Variants in HERC3 observed in about 807,000 individuals in gnomAD.
HERC3 encodes probable E3 ubiquitin-protein ligase HERC3.
A neutral mutation model predicts 129.9 loss-of-function variants in HERC3; 58 were observed. The observed-to-expected ratio is 0.45, with a 90% CI of 0.36 to 0.56. The LOEUF (loss-of-function observed/expected upper bound fraction) is 0.56. Ranked by LOEUF, HERC3 falls within the 20% of genes least tolerant of loss-of-function variation. The pLI, the probability that HERC3 is intolerant of heterozygous loss-of-function variation, is 0.00. For synonymous variants in HERC3, 430 were observed against 451.0 expected (o/e 0.95, Z 0.59); for missense variants, 835 against 1,244.2 (o/e 0.67, Z 4.95).
At chr4:88,576,903 T>G in the HERC3 span, among the ~76,000 whole-genome samples, 1 of 152,182 alleles carries the variant, frequency 6.6e-6, no homozygotes, top group African/African-American at 2.4e-5. Flanking sequence ...ACTTCCTCAG[T>G]TTTTTTCTGA....
chr4:88,692,428 T>G (rs3756051), intron 23 of HERC3, among the ~76,000 whole-genome samples: 1 of 151,736 alleles, frequency 6.6e-6, no homozygotes, highest in Non-Finnish European at 1.5e-5. Context: ...TTAAGGTAAG[T>G]GCTTCAAAGG....
At chr4:88,590,415 C>T (rs976036805), upstream of HERC3, among the ~76,000 whole-genome samples, 3 of 152,074 alleles carry the variant, frequency 2.0e-5, no homozygotes, top group Admixed American at 6.5e-5. Flanking sequence ...AAAAATTAGC[C>T]GGGCGTTGTG....
Position 88,706,671 on chromosome 4 carries a change from T to A in HERC3, c.2945-81T>A, listed in dbSNP as rs1279562265. 6 of 1,112,530 alleles carry A rather than the reference T, an allele frequency of 5.4e-6. No homozygotes were observed. In the African/African-American group the frequency reaches 7.7e-5, roughly 14 times the overall value. 68.9% of individuals were successfully genotyped at this position (1,112,530 alleles called of 1,614,324 possible). On this transcript the variant is annotated intron_variant, in intron 25 of 25. Transcript: ENST00000402738. ...CATGCAAGCCACAGGGTGTCATGCC[T>A]TCCTCTCCTGTTGCCAGAAGGATCT... is the stretch of plus-strand genomic sequence containing the variant.
intron 23 of HERC3, chr4:88,693,655 T>C (rs1734299644): frequency 5.1e-6 from 5 of 982,772 alleles, no homozygotes; most frequent in South Asian, 4.7e-5. Context: ...CAATAAAGTG[T>C]GTACATGTGT....
At chr4:88,545,440 T>A in the HERC3 span, among the ~76,000 whole-genome samples, 1 of 148,512 alleles carries the variant, frequency 6.7e-6, no homozygotes, top group Non-Finnish European at 1.5e-5. Context: ...CTTTTTTTTT[T>A]TTTTTTTTTT....
At chr4:88,524,976 T>TA in the HERC3 span, 2 of 152,180 alleles carry the variant, frequency 1.3e-5, no homozygotes, top group African/African-American at 2.4e-5. Context: ...GACAAATGTT[T>TA]ATATGTTCAT....
intron 3 of HERC3, among the ~76,000 whole-genome samples, chr4:88,610,494 T>A (rs2149202530): frequency 6.7e-6 from 1 of 149,948 alleles, no homozygotes; most frequent in African/African-American, 2.4e-5. Context: ...CGTCTGGGAA[T>A]ACAGCCTAGT....
intron 3 of HERC3, among the ~76,000 whole-genome samples, chr4:88,610,623 T>C (rs1724206602): frequency 6.6e-6 from 1 of 152,198 alleles, no homozygotes; most frequent in African/African-American, 2.4e-5. Flanking sequence ...GTCTTCTCTG[T>C]GGCTTGGTCT....
the HERC3 span, among the ~76,000 whole-genome samples, chr4:88,538,972 A>G: frequency 2.0e-5 from 3 of 152,216 alleles, no homozygotes; most frequent in African/African-American, 7.2e-5. Context: ...CCAAATAGGA[A>G]CAGATCCAGT....
intron 23 of HERC3, chr4:88,690,284 T>C: frequency 1.0e-6 from 1 of 981,318 alleles, no homozygotes; most frequent in Non-Finnish European, 1.2e-6. Flanking sequence ...AGTCAGATAA[T>C]GTTTTTAGAA....
upstream of HERC3, among the ~76,000 whole-genome samples, chr4:88,589,095 CGT>C (rs147850626): frequency 5.3e-5 from 8 of 151,176 alleles, no homozygotes; most frequent in East Asian, 3.9e-4. Context: ...CGCGTGTGTG[CGT>C]GTGTGTGTGT....
intron 23 of HERC3, chr4:88,697,217 C>A (rs759114487): frequency 4.6e-6 from 7 of 1,517,258 alleles, no homozygotes; most frequent in Non-Finnish European, 8.8e-7. Context: ...TACTTCTTGG[C>A]GTCATCAGGC....
intron 23 of HERC3, chr4:88,690,702 C>T: frequency 1.5e-6 from 1 of 659,788 alleles, no homozygotes; most frequent in African/African-American, 2.0e-5. Flanking sequence ...ATATCTTTGT[C>T]AAGTTATTTC....
At chr4:88,698,995 C>T (rs1379052223) in intron 23 of HERC3, among the ~76,000 whole-genome samples, 2 of 121,098 alleles carry the variant, frequency 1.7e-5, no homozygotes, top group African/African-American at 7.2e-5. Context: ...ACTTTTTCCT[C>T]ACGCTCCTCA....
intron 3 of HERC3, among the ~76,000 whole-genome samples, chr4:88,616,922 A>G (rs1724962603): frequency 1.3e-5 from 2 of 152,160 alleles, no homozygotes; most frequent in African/African-American, 2.4e-5. Context: ...TCTCTAGCCT[A>G]CTAGTGTGGG....
At chr4:88,676,510 A>G in intron 18 of HERC3, 87 bp downstream of exon 18, 1 of 931,484 alleles carries the variant, frequency 1.1e-6, no homozygotes, top group Non-Finnish European at 1.7e-6. Context: ...GTAGGAGAAA[A>G]CATATTTGGT....
intron 3 of HERC3, among the ~76,000 whole-genome samples, chr4:88,610,921 C>T (rs896359036): frequency 4.6e-5 from 7 of 152,218 alleles, no homozygotes; most frequent in East Asian, 3.8e-4. Flanking sequence ...AGCCGCACTG[C>T]GTCTGTCTGC....
rs1733167292 is a variant in HERC3 at position 88,684,434 on chromosome 4, AC to A, written c.2508-2298del. Among the ~76,000 whole-genome samples, 6 of 152,272 alleles carry A rather than the reference AC, an allele frequency of 3.9e-5. No individual in the cohort carries two copies. The South Asian group carries it at 1.2e-3, about 32-fold the overall frequency. ...GGCATATGCAGAAAACAGAAACTGGACCCCTTCCTTACACCTTATACAAAAA... is the reference window on the plus strand; with the variant it reads ...GGCATATGCAGAAAACAGAAACTGGACCCTTCCTTACACCTTATACAAAAA... On this transcript the variant is annotated intron_variant, in intron 21 of 25. Transcript: ENST00000402738.
At chr4:88,595,375 T>G (rs1722252564) in intron 1 of HERC3, among the ~76,000 whole-genome samples, 182 bp from the exon 2 acceptor site, 1 of 152,154 alleles carries the variant, frequency 6.6e-6, no homozygotes, top group Non-Finnish European at 1.5e-5. Context: ...TGGTTAGAGG[T>G]TATCTTACTG....
Sources: allele counts gnomAD v4.1 joint callset (sites outside exome capture counted in the v4.1 genomes callset), GRCh38; gene constraint gnomAD v4.1.1; transcripts MANE v1.5; gene names NCBI Gene and HGNC (gene_info 2026-07-23, HGNC 2026-07-21).